The following GLUD1 variants were observed in gnomAD, a reference collection of about 807,000 sequenced individuals.
GLUD1 encodes glutamate dehydrogenase 1, mitochondrial.
GLUD1 carries 22 observed loss-of-function variants against 56.0 expected under a neutral mutation model. The observed-to-expected ratio is 0.39, with a 90% CI of 0.28 to 0.56. The LOEUF (loss-of-function observed/expected upper bound fraction) is 0.56, where lower values mean the gene tolerates loss of function less well. Among genes scored for constraint, GLUD1 ranks in the 20% least tolerant of loss-of-function variants. The probability of loss-of-function intolerance (pLI) is 0.58; values close to 1 mark genes in which losing one functional copy is unlikely to be tolerated. For missense variants in GLUD1, 451 were observed against 732.0 expected (o/e 0.62, Z 4.43); for synonymous variants, 223 against 269.9 (o/e 0.83, Z 1.70).
chr10:87,069,422 G>A (rs1846163822), intron 4 of GLUD1, among the ~76,000 whole-genome samples: 1 of 151,724 alleles, frequency 6.6e-6, no homozygotes, highest in Non-Finnish European at 1.5e-5. Context: ...GGCTGAGGCA[G>A]GAGAATCGCT....
At chr10:87,072,584 G>T (rs1296124009) in intron 4 of GLUD1, among the ~76,000 whole-genome samples, 1 of 152,122 alleles carries the variant, frequency 6.6e-6, no homozygotes, top group African/African-American at 2.4e-5. Context: ...CTGCATCCTG[G>T]GTCAATGAGG....
At chr10:87,073,111 CT>C (rs1459856339) in intron 4 of GLUD1, among the ~76,000 whole-genome samples, 1 of 152,032 alleles carries the variant, frequency 6.6e-6, no homozygotes, top group African/African-American at 2.4e-5. Context: ...TATTTCATGA[CT>C]TTTTTTTCCT....
intron 1 of GLUD1, among the ~76,000 whole-genome samples, chr10:87,078,034 T>A (rs1207586438): frequency 6.6e-6 from 1 of 152,192 alleles, no homozygotes; most frequent in Non-Finnish European, 1.5e-5. Flanking sequence ...CTTTCTTACA[T>A]GTTTCTGAAA....
In GLUD1 at chr10:87,050,787, A is replaced by T. The variant is rs1259085813; in HGVS notation, c.*964T>A. 1 of 152,230 alleles carries T rather than the reference A, an allele frequency of 6.6e-6. No homozygotes were observed. The highest frequency in any genetic ancestry group is 2.4e-5 in the African/African-American group (1 of 41,474). The allele number at this position is 152,230 out of a possible 1,614,324, so 9.4% of individuals were successfully genotyped here. A position where few individuals can be genotyped will look rare whatever the true frequency, so the allele number is the denominator to read the frequency against. ...GTCAGGTGAGTAGGGGCCATTGGCA[A>T]TGCTCAGAGCCAGCCAGACTCCAAA... On this transcript the variant is annotated 3_prime_UTR_variant, in exon 13 of 13. Coordinates refer to ENST00000277865, the MANE Select transcript of GLUD1 (RefSeq NM_005271.5).
intron 1 of GLUD1, among the ~76,000 whole-genome samples, chr10:87,080,300 C>T (rs1841182689): frequency 6.6e-6 from 1 of 152,006 alleles, no homozygotes; most frequent in Admixed American, 6.5e-5. Flanking sequence ...ACCTCCACCT[C>T]CCAGCCGCCT....
chr10:87,088,992 G>A (rs9651489), intron 1 of GLUD1, among the ~76,000 whole-genome samples: 58,103 of 152,022 alleles, frequency 0.38, 11,759 homozygotes, highest in African/African-American at 0.51. Flanking sequence ...GGAGTTGGGT[G>A]TAGGGGAAAA....
intron 1 of GLUD1, among the ~76,000 whole-genome samples, chr10:87,080,716 G>A (rs1359168756): frequency 6.6e-6 from 1 of 150,482 alleles, no homozygotes; most frequent in Non-Finnish European, 1.5e-5. Context: ...CGCCCCGTCT[G>A]AGAAGTGAGG....
At position 87,051,117 on chromosome 10, in the gene GLUD1, T is replaced by C. The variant is rs1485365107; in HGVS notation, c.*634A>G. On this transcript the variant is annotated 3_prime_UTR_variant, in exon 13 of 13. Coordinates refer to ENST00000277865, the MANE Select transcript of GLUD1 (RefSeq NM_005271.5). ...AAAAATACTAGTTTTTTTCATTTAT[T>C]ATTTCTATAGGCATTCACTGTTTGA... The C allele has an allele frequency of 6.0e-6, 1 of 165,848 alleles. No individual in the cohort carries two copies. Among genetic ancestry groups the C allele is most frequent in the African/African-American group, 2.4e-5 (1 of 41,458 alleles). The allele number at this position is 165,848 out of a possible 1,614,324, so 10.3% of individuals were successfully genotyped here.
At chr10:87,068,656 C>T (rs1846140755) in intron 4 of GLUD1, among the ~76,000 whole-genome samples, 1 of 152,098 alleles carries the variant, frequency 6.6e-6, no homozygotes, top group African/African-American at 2.4e-5. Context: ...ATTGCTAAAG[C>T]AATTGTGTTA....
intron 6 of GLUD1, among the ~76,000 whole-genome samples, chr10:87,062,377 C>G (rs1845959645): frequency 2.0e-5 from 3 of 152,190 alleles, no homozygotes; most frequent in Non-Finnish European, 4.4e-5. Context: ...GCTATAATTT[C>G]AAGTTTGAAT....
chr10:87,076,563 G>A lies in GLUD1; in HGVS notation c.526+13C>T. On this transcript the variant is annotated intron_variant, in intron 2 of 12. Coordinates refer to ENST00000277865, the MANE Select transcript of GLUD1 (RefSeq NM_005271.5). ...AGAGTTCTCATTAGGCAGCAAGAAAGGCGATCACTTACCAACCACTGCACA... is the reference window on the plus strand; with the variant it reads ...AGAGTTCTCATTAGGCAGCAAGAAAAGCGATCACTTACCAACCACTGCACA... 6.6e-7 allele frequency: 1 copy of A among 1,517,644 alleles called. No individual in the cohort carries two copies. The highest frequency in any genetic ancestry group is 9.2e-7 in the Non-Finnish European group (1 of 1,091,854). 94.0% of individuals were successfully genotyped at this position (1,517,644 alleles called of 1,614,324 possible). A position where few individuals can be genotyped will look rare whatever the true frequency, so the allele number is the denominator to read the frequency against.
intron 10 of GLUD1, 132 bp downstream of exon 10, chr10:87,059,018 A>T: frequency 1.9e-6 from 2 of 1,077,072 alleles, no homozygotes; most frequent in Admixed American, 1.8e-5. Context: ...AAGTTTCATG[A>T]GACAAAATAT....
chr10:87,083,816 TACACAC>T (rs10535860), intron 1 of GLUD1, among the ~76,000 whole-genome samples: 56,788 of 151,042 alleles, frequency 0.38, 11,152 homozygotes, highest in African/African-American at 0.49. Context: ...ATCCCATCTC[TACACAC>T]ACACACACAC....
At chr10:87,074,988 T>C (rs904297868) in intron 3 of GLUD1, among the ~76,000 whole-genome samples, 9 of 152,246 alleles carry the variant, frequency 5.9e-5, no homozygotes, top group Admixed American at 3.3e-4. Flanking sequence ...TGTAAAGCAT[T>C]GTGACAATCA....
At chr10:87,067,335 C>T (rs1382449295) in intron 5 of GLUD1, among the ~76,000 whole-genome samples, 1 of 152,206 alleles carries the variant, frequency 6.6e-6, no homozygotes, top group Non-Finnish European at 1.5e-5. Context: ...ACCTCCTGGG[C>T]TCAAGCATGC....
At chr10:87,052,354 G>T (rs1020975852) in intron 12 of GLUD1, among the ~76,000 whole-genome samples, 2 of 152,014 alleles carry the variant, frequency 1.3e-5, no homozygotes, top group African/African-American at 2.4e-5. Context: ...CGGGTGTGGG[G>T]GTGGGCGCCT....
chr10:87,052,332 C>T (rs992213170), intron 12 of GLUD1, among the ~76,000 whole-genome samples: 1 of 151,882 alleles, frequency 6.6e-6, no homozygotes, highest in African/African-American at 2.4e-5. Flanking sequence ...ATTAAAAATA[C>T]AAAAAATTAA....
At chr10:87,084,881 C>G (rs1287678137) in intron 1 of GLUD1, among the ~76,000 whole-genome samples, 1 of 152,096 alleles carries the variant, frequency 6.6e-6, no homozygotes, top group Non-Finnish European at 1.5e-5. Flanking sequence ...TACCTTCTAA[C>G]CCACAATAAT....
At position 87,053,411 on chromosome 10, in the gene GLUD1, G is replaced by C; in HGVS notation, c.1495-7C>G. 1 of 1,589,830 alleles carries C rather than the reference G, an allele frequency of 6.3e-7. No homozygotes were observed. The highest frequency in any genetic ancestry group is 8.6e-7 in the Non-Finnish European group (1 of 1,158,128). The stretch of plus-strand genomic sequence containing the variant: ...TGTCTTTCTCAGATGCACCCTATTA[G>C]GGAAAAGAACACAAGTTTAACAAAA... On this transcript the variant is annotated splice_region_variant and splice_polypyrimidine_tract_variant and intron_variant, in intron 11 of 12. Coordinates refer to ENST00000277865, the MANE Select transcript of GLUD1 (RefSeq NM_005271.5).
Sources: allele counts gnomAD v4.1 joint callset (sites outside exome capture counted in the v4.1 genomes callset), GRCh38; gene constraint gnomAD v4.1.1; transcripts MANE v1.5; gene names NCBI Gene and HGNC (gene_info 2026-07-23, HGNC 2026-07-21).